The following KIAA1217 variants were observed in gnomAD, a reference collection of about 807,000 sequenced individuals.
KIAA1217 encodes the protein sickle tail protein homolog.
KIAA1217 carries 88 observed loss-of-function variants against 163.9 expected under a neutral mutation model. The observed-to-expected ratio is 0.54, with a 90% CI of 0.45 to 0.64. KIAA1217 has a LOEUF of 0.64. Among genes scored for constraint, KIAA1217 ranks in the 30% least tolerant of loss-of-function variants. The pLI is 0.00. For synonymous variants in KIAA1217, 903 were observed against 923.1 expected (o/e 0.98, Z 0.39); for missense variants, 2,372 against 2,475.0 (o/e 0.96, Z 0.88).
At chr10:24,326,305 G>GA (rs1231910184) in intron 2 of KIAA1217, among the ~76,000 whole-genome samples, 1 of 151,238 alleles carries the variant, frequency 6.6e-6, no homozygotes, top group African/African-American at 2.4e-5. Flanking sequence ...ACACCTTATA[G>GA]AAAAAAAAGA....
At chr10:24,431,113 T>C (rs2059571810) in intron 3 of KIAA1217, among the ~76,000 whole-genome samples, 1 of 152,214 alleles carries the variant, frequency 6.6e-6, no homozygotes. Context: ...TCCTCTCTCA[T>C]TCCCTTACTT....
intron 2 of KIAA1217, among the ~76,000 whole-genome samples, chr10:24,087,919 T>A (rs2061761425): frequency 4.2e-5 from 3 of 71,586 alleles, no homozygotes; most frequent in South Asian, 5.0e-4. Flanking sequence ...TGTGGTGGCC[T>A]CCCAAGCCTT....
intron 2 of KIAA1217, among the ~76,000 whole-genome samples, chr10:24,325,850 A>G (rs894197205): frequency 4.6e-5 from 7 of 152,202 alleles, no homozygotes; most frequent in African/African-American, 1.7e-4. Flanking sequence ...CCTAAGTTCA[A>G]TTTCAGAATT....
chr10:23,995,721 A>G (rs1380279118), intron 1 of KIAA1217, among the ~76,000 whole-genome samples: 6 of 152,170 alleles, frequency 3.9e-5, no homozygotes, highest in African/African-American at 1.2e-4. Context: ...TGAAACAGCA[A>G]TAAAATAATG....
At chr10:24,468,000 C>T (rs774977823) in intron 5 of KIAA1217, among the ~76,000 whole-genome samples, 1 of 152,168 alleles carries the variant, frequency 6.6e-6, no homozygotes, top group Non-Finnish European at 1.5e-5. Context: ...GTGTTGGTGA[C>T]AGATTCTAGG....
At chr10:24,423,442 G>A (rs1010635237) in intron 3 of KIAA1217, among the ~76,000 whole-genome samples, 6 of 150,246 alleles carry the variant, frequency 4.0e-5, no homozygotes, top group South Asian at 4.2e-4. Flanking sequence ...ACACCACCAC[G>A]CCCAGATAAT....
rs113890125 is a variant in KIAA1217 at position 24,388,447 on chromosome 10, G to A, written c.553+7380G>A. On this transcript the variant is annotated intron_variant, in intron 3 of 20. Transcript: ENST00000376454. ...AGGCTTAAATGTTAGACCTAAAACC[G>A]CAAAAACCCTAGAAGAAAACCTAGG... Among the ~76,000 whole-genome samples the A allele has an allele frequency of 2.5e-3, 374 of 152,190 alleles. 1 individual carries two copies. Among genetic ancestry groups the A allele is most frequent in the African/African-American group, 8.3e-3 (344 of 41,528 alleles).
chr10:24,487,948 G>T (rs918815269), intron 6 of KIAA1217, among the ~76,000 whole-genome samples: 1 of 152,184 alleles, frequency 6.6e-6, no homozygotes, highest in Non-Finnish European at 1.5e-5. Context: ...GATGCAATGG[G>T]GTTCAGTTGG....
chr10:23,991,682 A>G (rs770968092), intron 1 of KIAA1217, among the ~76,000 whole-genome samples: 2 of 152,232 alleles, frequency 1.3e-5, no homozygotes, highest in Non-Finnish European at 2.9e-5. Context: ...TTTCACGTAT[A>G]TGATATATCA....
chr10:24,537,508 T>C (rs7100076), intron 17 of KIAA1217, among the ~76,000 whole-genome samples: 39,209 of 149,638 alleles, frequency 0.26, 5,321 homozygotes, highest in Middle Eastern at 0.43. Flanking sequence ...ACCCAGGAGG[T>C]GGAGGTTGCA....
chr10:24,187,749 G>A (rs1292438629), intron 2 of KIAA1217, among the ~76,000 whole-genome samples: 1 of 152,042 alleles, frequency 6.6e-6, no homozygotes, highest in Non-Finnish European at 1.5e-5. Flanking sequence ...AATTAGCCAG[G>A]CACAGTGGCA....
At chr10:24,531,510 T>A (rs751695947) in intron 14 of KIAA1217, among the ~76,000 whole-genome samples, 51 of 152,212 alleles carry the variant, frequency 3.4e-4, no homozygotes, top group Non-Finnish European at 5.4e-4. Context: ...TAATAGTAGG[T>A]AATACTTTAC....
At chr10:23,802,339 C>A (rs1352300740) in intron 1 of KIAA1217, among the ~76,000 whole-genome samples, 1 of 152,110 alleles carries the variant, frequency 6.6e-6, no homozygotes, top group East Asian at 1.9e-4. Context: ...GTATTTTTAC[C>A]TACATAATCA....
chr10:23,766,194 G>C (rs1164069901), intron 1 of KIAA1217, among the ~76,000 whole-genome samples: 14 of 152,156 alleles, frequency 9.2e-5, no homozygotes, highest in Non-Finnish European at 1.5e-5. Context: ...GATTTTTATG[G>C]CTTCTAAGTC....
In KIAA1217 at chr10:24,270,054, AGTTCTG is replaced by A. The variant is rs2076626879; in HGVS notation, c.354+50151_354+50156del. 2.6e-5 allele frequency among the ~76,000 whole-genome samples: 4 copies of A among 152,354 alleles called. No individual in the cohort carries two copies. In the South Asian group the frequency reaches 8.3e-4, roughly 32 times the overall value. Reference sequence around the variant, plus strand: ...GTAAGCGTTAGAACACAGATTGCCGAGTTCTGGTTCTCAGTCCACCCAAGTCTGGTC... The same window carrying A: ...GTAAGCGTTAGAACACAGATTGCCGAGTTCTCAGTCCACCCAAGTCTGGTC... On this transcript the variant is annotated intron_variant, in intron 2 of 20. Transcript: ENST00000376454.
At chr10:24,011,024 A>T (rs1031767955) in intron 2 of KIAA1217, among the ~76,000 whole-genome samples, 2 of 152,132 alleles carry the variant, frequency 1.3e-5, no homozygotes, top group African/African-American at 2.4e-5. Flanking sequence ...TTGGTAATAA[A>T]CTTCAGTCTG....
At chr10:23,707,714 A>T (rs567848654) in intron 1 of KIAA1217, among the ~76,000 whole-genome samples, 306 of 152,270 alleles carry the variant, frequency 2.0e-3, no homozygotes, top group African/African-American at 6.4e-3. Flanking sequence ...CTGCATTTGT[A>T]CCTCCTAAAT....
chr10:24,427,522 T>C (rs2059271935), intron 3 of KIAA1217, among the ~76,000 whole-genome samples: 1 of 152,228 alleles, frequency 6.6e-6, no homozygotes, highest in African/African-American at 2.4e-5. Context: ...GCAAATTGCT[T>C]GGACTTTCTG....
rs140106297 is a variant in KIAA1217, at chr10:24,182,316, G to A, written c.-170-37310G>A. 5.6e-3 allele frequency among the ~76,000 whole-genome samples: 846 copies of A among 152,228 alleles called. 4 individuals carry two copies. The highest frequency in any genetic ancestry group is 0.014 in the Middle Eastern group (4 of 294). The stretch of plus-strand genomic sequence containing the variant: ...CTGGGCATGGTGGTGTGCACCTGTA[G>A]TGCCAGCTACGCGGGAGGCTAAGGC... On this transcript the variant is annotated intron_variant, in intron 2 of 18. Transcript: ENST00000376462.
Sources: allele counts gnomAD v4.1 joint callset (sites outside exome capture counted in the v4.1 genomes callset), GRCh38; gene constraint gnomAD v4.1.1; transcripts MANE v1.5; gene names NCBI Gene and HGNC (gene_info 2026-07-23, HGNC 2026-07-21).